Variants in NRXN3 observed in about 807,000 individuals in gnomAD.
NRXN3 encodes the protein neurexin 3.
NRXN3 carries 32 observed loss-of-function variants against 137.6 expected under a neutral mutation model. The ratio of observed to expected loss-of-function variants is 0.23; its 90% CI spans 0.18 to 0.31. The LOEUF (loss-of-function observed/expected upper bound fraction) is 0.31. Among genes scored for constraint, NRXN3 ranks in the 10% least tolerant of loss-of-function variants. The probability of loss-of-function intolerance (pLI) is 1.00; values close to 1 mark genes in which losing one functional copy is unlikely to be tolerated. For synonymous variants in NRXN3, 798 were observed against 784.5 expected (o/e 1.02, Z -0.29); for missense variants, 1,574 against 2,062.5 (o/e 0.76, Z 4.59).
chr14:79,502,281 C>G (rs1158646722), intron 16 of NRXN3, among the ~76,000 whole-genome samples: 2 of 152,174 alleles, frequency 1.3e-5, no homozygotes, highest in African/African-American at 4.8e-5. Context: ...GCTCCTTAAG[C>G]AGCAGTATCA....
intron 10 of NRXN3, among the ~76,000 whole-genome samples, chr14:78,815,213 A>G (rs2098928207): frequency 6.6e-6 from 1 of 152,190 alleles, no homozygotes; most frequent in Non-Finnish European, 1.5e-5. Context: ...CAGAGGAGAA[A>G]GGAAGTAGTG....
chr14:79,700,194 A>C (rs1192810350), intron 19 of NRXN3, among the ~76,000 whole-genome samples: 1 of 151,930 alleles, frequency 6.6e-6, no homozygotes, highest in Non-Finnish European at 1.5e-5. Context: ...CAATTCCCAG[A>C]CTCTAGAGAC....
intron 8 of NRXN3, among the ~76,000 whole-genome samples, chr14:78,724,251 A>G (rs1421344131): frequency 6.6e-6 from 1 of 152,256 alleles, no homozygotes; most frequent in Non-Finnish European, 1.5e-5. Context: ...ACATGTGTAT[A>G]GTTTTCCTCT....
intron 15 of NRXN3, among the ~76,000 whole-genome samples, chr14:79,102,620 A>G (rs1475771828): frequency 6.6e-6 from 1 of 152,208 alleles, no homozygotes; most frequent in Non-Finnish European, 1.5e-5. Context: ...AAATATATTT[A>G]CCAAGTGTTA....
chr14:79,718,077 G>A (rs935550225), intron 19 of NRXN3, among the ~76,000 whole-genome samples: 13 of 152,154 alleles, frequency 8.5e-5, no homozygotes, highest in African/African-American at 2.4e-4. Flanking sequence ...ATAATATGCA[G>A]GGACAAGTGC....
chr14:78,645,305 G>T lies in NRXN3; in HGVS notation c.943G>T (p.Val315Phe), dbSNP rs1250917579. 2 of 1,598,718 alleles carry T rather than the reference G, an allele frequency of 1.3e-6. No individual in the cohort carries two copies. The highest frequency in any genetic ancestry group is 1.7e-6 in the Non-Finnish European group (2 of 1,179,776). Residue 315 changes from valine to phenylalanine, a missense_variant, in exon 5 of 21, where the codon GTC becomes TTC. Physicochemically the swap from Val to Phe is conservative, Grantham distance 50. Transcript: ENST00000335750. ...YVNLALKDGA[V>F]SLVINLGSGA... is the part of the protein sequence containing the mutation. ...CAACCTGGCTCTGAAGGATGGTGCG[G>T]TCTCCTTGGTCATTAACCTGGGGTC...
At chr14:78,373,663 A>ATG (rs1381164242) in intron 4 of NRXN3, among the ~76,000 whole-genome samples, 1 of 152,168 alleles carries the variant, frequency 6.6e-6, no homozygotes, top group East Asian at 1.9e-4. Flanking sequence ...GGACTGCTGG[A>ATG]TGTGTAGGAG....
chr14:79,218,057 C>T (rs2068852703), intron 15 of NRXN3, among the ~76,000 whole-genome samples: 1 of 152,134 alleles, frequency 6.6e-6, no homozygotes, highest in African/African-American at 2.4e-5. Flanking sequence ...TGAAAGGGAC[C>T]TGTTTCCTTG....
chr14:78,355,261 C>A (rs1431330913), intron 4 of NRXN3, among the ~76,000 whole-genome samples: 1 of 152,154 alleles, frequency 6.6e-6, no homozygotes, highest in Non-Finnish European at 1.5e-5. Flanking sequence ...ATCTTGTTCC[C>A]TTATCTCTCC....
chr14:79,595,246 C>T (rs969659936), intron 16 of NRXN3, among the ~76,000 whole-genome samples: 3 of 152,100 alleles, frequency 2.0e-5, no homozygotes, highest in South Asian at 2.1e-4. Context: ...CTTGCCCTGT[C>T]CTGTTCATAT....
At chr14:78,403,938 TG>T (rs1249281283) in intron 4 of NRXN3, 2 of 946,730 alleles carry the variant, frequency 2.1e-6, no homozygotes, top group East Asian at 2.3e-4. Context: ...GGGGGTGGGC[TG>T]TTCCCCATTT....
intron 17 of NRXN3, among the ~76,000 whole-genome samples, chr14:79,668,251 T>A (rs2153992949): frequency 6.6e-6 from 1 of 152,168 alleles, no homozygotes; most frequent in South Asian, 2.1e-4. Flanking sequence ...CCACAGAAAC[T>A]TGTCTTTATA....
At chr14:79,395,567 G>A (rs1599682439) in intron 15 of NRXN3, among the ~76,000 whole-genome samples, 1 of 151,826 alleles carries the variant, frequency 6.6e-6, no homozygotes, top group African/African-American at 2.4e-5. Flanking sequence ...CCAGCACTTT[G>A]GGAGGCCGAG....
intron 15 of NRXN3, among the ~76,000 whole-genome samples, chr14:79,009,035 C>T (rs1021964058): frequency 3.3e-5 from 5 of 152,062 alleles, no homozygotes; most frequent in Non-Finnish European, 7.4e-5. Context: ...AGGACCTAAC[C>T]GTGAGATAGT....
At chr14:79,395,761 A>G (rs969007016) in intron 15 of NRXN3, among the ~76,000 whole-genome samples, 7 of 149,712 alleles carry the variant, frequency 4.7e-5, no homozygotes, top group Admixed American at 1.3e-4. Context: ...GTGAGTGGAG[A>G]TCATGCCACT....
intron 4 of NRXN3, among the ~76,000 whole-genome samples, chr14:78,622,253 C>A (rs2097413500): frequency 6.6e-6 from 1 of 152,148 alleles, no homozygotes; most frequent in African/African-American, 2.4e-5. Flanking sequence ...ACAAAACACC[C>A]ATGACTTGGA....
At chr14:78,275,153 G>A (rs931051519) in intron 2 of NRXN3, among the ~76,000 whole-genome samples, 1 of 152,092 alleles carries the variant, frequency 6.6e-6, no homozygotes, top group African/African-American at 2.4e-5. Context: ...CTCTAAAATG[G>A]GGATACTCTG....
intron 15 of NRXN3, among the ~76,000 whole-genome samples, chr14:79,376,206 GTGTGTATGTATATATA>G (rs1344007878): frequency 3.7e-5 from 2 of 53,884 alleles, no homozygotes; most frequent in African/African-American, 8.0e-5. Flanking sequence ...GTGTGTGTGT[GTGTGTATGTATATATA>G]TATATATATA....
intron 16 of NRXN3, among the ~76,000 whole-genome samples, chr14:79,554,275 G>A (rs2097405662): frequency 6.6e-6 from 1 of 152,138 alleles, no homozygotes; most frequent in Non-Finnish European, 1.5e-5. Context: ...TGGGGAGAAG[G>A]TACTAGAATT....
Sources: allele counts gnomAD v4.1 joint callset (sites outside exome capture counted in the v4.1 genomes callset), GRCh38; gene constraint gnomAD v4.1.1; transcripts MANE v1.5; gene names NCBI Gene and HGNC (gene_info 2026-07-23, HGNC 2026-07-21).